Variants in AADACL2 observed in about 807,000 individuals in gnomAD.
AADACL2 encodes the protein arylacetamide deacetylase like 2.
In AADACL2, 23 loss-of-function variants were observed where a neutral mutation model predicts 22.3. The ratio of observed to expected loss-of-function variants is 1.03; its 90% CI spans 0.74 to 1.46. The LOEUF (loss-of-function observed/expected upper bound fraction) is 1.46. Ranked by LOEUF, AADACL2 falls within the 40% of genes most tolerant of loss-of-function variation. The probability of loss-of-function intolerance (pLI) is 0.00; values close to 1 mark genes in which losing one functional copy is unlikely to be tolerated. For missense variants in AADACL2, 472 were observed against 482.9 expected, an observed-to-expected ratio of 0.98 and a Z score of 0.21; for synonymous variants, 177 against 166.2, an observed-to-expected ratio of 1.07 and a Z score of -0.50.
chr3:151,745,710 G>A (rs375669092), intron 4 of AADACL2, 30 bp downstream of exon 4: 2 of 1,535,040 alleles, frequency 1.3e-6, no homozygotes, highest in Non-Finnish European at 8.7e-7. Context: ...ATGATAGGAG[G>A]CAGAAATTGA....
intron 2 of AADACL2, among the ~76,000 whole-genome samples, chr3:151,743,820 C>A (rs993562642): frequency 4.6e-5 from 7 of 152,160 alleles, no homozygotes; most frequent in African/African-American, 1.4e-4. Flanking sequence ...GATGTCAAGA[C>A]GATATTACAA....
At chr3:151,740,564 T>C in intron 1 of AADACL2, 82 bp from the exon 2 acceptor site, 1 of 945,974 alleles carries the variant, frequency 1.1e-6, no homozygotes, top group Non-Finnish European at 1.5e-6. Flanking sequence ...TTATTTTTTC[T>C]TCCTTTTTAA....
chr3:151,748,752 A>G (rs1215074575), intron 4 of AADACL2, among the ~76,000 whole-genome samples: 3 of 152,220 alleles, frequency 2.0e-5, no homozygotes, highest in Non-Finnish European at 4.4e-5. Flanking sequence ...TATCAGATGC[A>G]GATACCCAAT....
At chr3:151,743,002 T>G (rs1005516045) in intron 2 of AADACL2, among the ~76,000 whole-genome samples, 1 of 150,578 alleles carries the variant, frequency 6.6e-6, no homozygotes, top group African/African-American at 2.4e-5. Flanking sequence ...ATCTGCAGAT[T>G]TTTTTTTTAA....
intron 4 of AADACL2, 63 bp downstream of exon 4, chr3:151,745,743 A>G: frequency 6.7e-7 from 1 of 1,482,570 alleles, no homozygotes; most frequent in Non-Finnish European, 9.1e-7. Flanking sequence ...TTCTATAGAT[A>G]ATTCAGTTCT....
chr3:151,737,201 CTTAAT>C (rs988372542), intron 1 of AADACL2, among the ~76,000 whole-genome samples: 4 of 152,122 alleles, frequency 2.6e-5, no homozygotes, highest in African/African-American at 9.7e-5. Context: ...TTATTTCTGC[CTTAAT>C]TTAGTTATTT....
intron 3 of AADACL2, 28 bp downstream of exon 3, chr3:151,744,190 T>A (rs761857558): frequency 5.6e-6 from 9 of 1,611,898 alleles, no homozygotes; most frequent in Non-Finnish European, 7.6e-6. Context: ...CTGGCTACTA[T>A]GATTTTTGCC....
At chr3:151,741,758 C>T (rs1228886652) in intron 2 of AADACL2, among the ~76,000 whole-genome samples, 8 of 152,006 alleles carry the variant, frequency 5.3e-5, no homozygotes, top group African/African-American at 1.9e-4. Context: ...ATACATATTA[C>T]CTAGGACTTG....
intron 1 of AADACL2, among the ~76,000 whole-genome samples, chr3:151,735,512 C>A (rs953490721): frequency 6.6e-6 from 1 of 152,190 alleles, no homozygotes; most frequent in Non-Finnish European, 1.5e-5. Context: ...AATTTCAGTA[C>A]TTTGGGAGGC....
At chr3:151,754,770 T>C (rs1713824031) in intron 4 of AADACL2, among the ~76,000 whole-genome samples, 1 of 152,158 alleles carries the variant, frequency 6.6e-6, no homozygotes, top group South Asian at 2.1e-4. Context: ...ATATGTTCTC[T>C]CAAATTTTGA....
rs1714137362 is a variant in AADACL2, at chr3:151,761,180, T to G, written c.*3586T>G. On this transcript the variant is annotated 3_prime_UTR_variant, in exon 5 of 5. Transcript: ENST00000356517. ...ATATGGTGAGATATATATTTATATA[T>G]ATGGTGAGATATATACATATTGTGA... 1 of 115,240 alleles carries G rather than the reference T, an allele frequency of 8.7e-6. No homozygotes were observed. The highest frequency in any genetic ancestry group is 1.8e-5 in the Non-Finnish European group (1 of 55,084). 7.1% of individuals were successfully genotyped at this position (115,240 alleles called of 1,614,324 possible).
chr3:151,752,257 C>T (rs1004751673), intron 4 of AADACL2, among the ~76,000 whole-genome samples: 12 of 152,052 alleles, frequency 7.9e-5, no homozygotes, highest in African/African-American at 2.9e-4. Flanking sequence ...TTTAAAAATT[C>T]GGTATCAATA....
At position 151,734,075 on chromosome 3, in the gene AADACL2, C is replaced by T. The variant is rs1398558998; in HGVS notation, c.40C>T (p.Leu14Phe). The change falls in exon 1 of 5, where the codon CTT (leucine) becomes TTT (phenylalanine). Residue 14 changes from leucine (L) to phenylalanine (F), a missense_variant. Physicochemically the swap from Leu to Phe is conservative, Grantham distance 22. Transcript: ENST00000356517. ...TCTCTGTTTGGGGCTGCTTTGTGTT[C>T]TTTTTGTCTCTCATTTTTACACACC... ...KALCLGLLCV[L>F]FVSHFYTPMP... The T allele has an allele frequency of 6.2e-7, 1 of 1,613,134 alleles. No homozygotes were observed. The highest frequency in any genetic ancestry group is 8.5e-7 in the Non-Finnish European group (1 of 1,179,676).
At chr3:151,752,651 T>C (rs113245074) in intron 4 of AADACL2, among the ~76,000 whole-genome samples, 22 of 152,334 alleles carry the variant, frequency 1.4e-4, no homozygotes, top group African/African-American at 4.8e-4. Flanking sequence ...TAAAAGAATG[T>C]ATGCATTGCT....
intron 4 of AADACL2, among the ~76,000 whole-genome samples, chr3:151,753,805 C>G (rs1283888440): frequency 1.3e-5 from 2 of 152,024 alleles, no homozygotes; most frequent in African/African-American, 4.8e-5. Flanking sequence ...AACACACACT[C>G]AAACCAGGGA....
intron 2 of AADACL2, 92 bp downstream of exon 2, chr3:151,740,960 A>G (rs1576611853): frequency 1.0e-6 from 1 of 953,628 alleles, no homozygotes; most frequent in East Asian, 2.6e-5. Context: ...ATACTGATAC[A>G]TACATCTATA....
chr3:151,752,170 A>G (rs1713696213), intron 4 of AADACL2, among the ~76,000 whole-genome samples: 1 of 152,162 alleles, frequency 6.6e-6, no homozygotes, highest in African/African-American at 2.4e-5. Context: ...ATCAACTTTT[A>G]CTTTGAAATT....
At chr3:151,745,443 T>A (rs1428559579) in intron 3 of AADACL2, 66 bp from the exon 4 acceptor site, 1 of 1,491,732 alleles carries the variant, frequency 6.7e-7, no homozygotes, top group Non-Finnish European at 9.1e-7. Flanking sequence ...AAATTGCATC[T>A]ATTTGGTATT....
At chr3:151,752,820 C>T (rs1191365707) in intron 4 of AADACL2, among the ~76,000 whole-genome samples, 1 of 152,040 alleles carries the variant, frequency 6.6e-6, no homozygotes, top group African/African-American at 2.4e-5. Context: ...TGCAATAGCT[C>T]TACTTATTTA....
Sources: allele counts gnomAD v4.1 joint callset (sites outside exome capture counted in the v4.1 genomes callset), GRCh38; gene constraint gnomAD v4.1.1; transcripts MANE v1.5; gene names NCBI Gene and HGNC (gene_info 2026-07-23, HGNC 2026-07-21).